ARHGEF10L: variants seen among roughly 807,000 people sequenced by gnomAD.
ARHGEF10L encodes rho guanine nucleotide exchange factor 10-like protein.
ARHGEF10L carries 69 observed loss-of-function variants against 141.2 expected under a neutral mutation model. That is an observed-to-expected ratio of 0.49 (90% CI 0.40 to 0.60). ARHGEF10L has a LOEUF of 0.60. Among genes scored for constraint, ARHGEF10L ranks in the 20% least tolerant of loss-of-function variants. ARHGEF10L has a pLI of 0.00. For missense variants in ARHGEF10L, 1,482 were observed against 1,734.3 expected, an observed-to-expected ratio of 0.85 and a Z score of 2.58; for synonymous variants, 711 against 718.5, an observed-to-expected ratio of 0.99 and a Z score of 0.17.
At chr1:17,678,426 T>C (rs1222236639) in intron 26 of ARHGEF10L, among the ~76,000 whole-genome samples, 1 of 151,794 alleles carries the variant, frequency 6.6e-6, no homozygotes, top group Non-Finnish European at 1.5e-5. Flanking sequence ...GGTTTTTTTT[T>C]TTTTTTTTTT....
intron 4 of ARHGEF10L, among the ~76,000 whole-genome samples, chr1:17,598,935 C>T (rs2080369802): frequency 6.6e-6 from 1 of 152,080 alleles, no homozygotes. Flanking sequence ...AGTGTAAGAT[C>T]CCAGCTCCCA....
intron 26 of ARHGEF10L, among the ~76,000 whole-genome samples, chr1:17,667,961 G>A (rs914278802): frequency 1.7e-4 from 26 of 152,194 alleles, no homozygotes; most frequent in African/African-American, 6.0e-4. Flanking sequence ...TGCTTCAGAC[G>A]GGACCGTAGC....
intron 26 of ARHGEF10L, among the ~76,000 whole-genome samples, chr1:17,666,989 A>G (rs1292885576): frequency 6.7e-6 from 1 of 148,674 alleles, no homozygotes; most frequent in Non-Finnish European, 1.5e-5. Flanking sequence ...GTCTCAAGCC[A>G]GGAAGGACAT....
At chr1:17,514,783 C>T in the ARHGEF10L span, among the ~76,000 whole-genome samples, 1 of 152,210 alleles carries the variant, frequency 6.6e-6, no homozygotes, top group African/African-American at 2.4e-5. Flanking sequence ...AAAAGTCATC[C>T]TGGGCCTTGG....
chr1:17,613,896 G>A (rs1217492978), intron 8 of ARHGEF10L, among the ~76,000 whole-genome samples: 1 of 152,198 alleles, frequency 6.6e-6, no homozygotes, highest in Non-Finnish European at 1.5e-5. Flanking sequence ...TGAAATGGGG[G>A]CATTCACAGT....
intron 26 of ARHGEF10L, among the ~76,000 whole-genome samples, chr1:17,682,295 C>T (rs1000430250): frequency 2.0e-5 from 3 of 152,108 alleles, no homozygotes; most frequent in African/African-American, 4.8e-5. Flanking sequence ...AGTCTACCCT[C>T]GTCTCTCCCA....
At chr1:17,564,921 C>T (rs1039685629) in intron 1 of ARHGEF10L, among the ~76,000 whole-genome samples, 2 of 152,198 alleles carry the variant, frequency 1.3e-5, no homozygotes, top group African/African-American at 4.8e-5. Flanking sequence ...TAATGCTTGT[C>T]ATGAATGGGC....
chr1:17,687,767 G>C lies in ARHGEF10L; in HGVS notation c.3184+20G>C, dbSNP rs201770526. On this transcript the variant is annotated intron_variant, in intron 27 of 28. Transcript: ENST00000361221. ...TGCCAGGTGAGGCTGCCTCGGGCAC[G>C]GGGGAGCGGACAGTCACAGAGCACC... 1 of 1,557,174 alleles carries C rather than the reference G, an allele frequency of 6.4e-7. No individual in the cohort carries two copies. Among genetic ancestry groups the C allele is most frequent in the Non-Finnish European group, 8.7e-7 (1 of 1,150,022 alleles).
Position 17,634,782 on chromosome 1 carries a change from T to A in ARHGEF10L, c.1746-53T>A, listed in dbSNP as rs1243253684. ...GAGGAGCAATGCCCTGGGCCAGCCC[T>A]GGGGCAGGGTGGCTGCAGCCTCTCC... On this transcript the variant is annotated intron_variant, in intron 17 of 28. Coordinates refer to ENST00000361221, the MANE Select transcript of ARHGEF10L (RefSeq NM_018125.4). 16 of 1,543,250 alleles carry A rather than the reference T, an allele frequency of 1.0e-5. No homozygotes were observed. The Admixed American group carries it at 3.2e-4, about 30-fold the overall frequency.
chr1:17,613,131 G>A lies in ARHGEF10L; in HGVS notation c.683G>A (p.Gly228Glu), dbSNP rs144936441. The change falls in exon 8 of 29, where the codon GGG becomes GAG. Residue 228 changes from glycine to glutamate, a missense_variant. Around this residue, in one of 3 missense-constraint regions of ARHGEF10L, gnomAD observed 392 missense variants for 542.1 expected, o/e 0.72. Coordinates refer to ENST00000361221, the MANE Select transcript of ARHGEF10L (RefSeq NM_018125.4). Reference protein sequence around the residue: ...TKRDILALRVGGRDMQELKHK... With the variant: ...TKRDILALRVEGRDMQELKHK... ...AGAGACATCTTGGCTTTGAGAGTTG[G>A]GGGGAGAGACATGCAGGAGCTGAAG... The A allele has an allele frequency of 1.2e-5, 20 of 1,613,834 alleles. 1 individual carries two copies. The highest frequency in any genetic ancestry group is 1.6e-4 in the Middle Eastern group (1 of 6,084).
chr1:17,567,147 T>G (rs182222533), intron 1 of ARHGEF10L, among the ~76,000 whole-genome samples: 3 of 152,322 alleles, frequency 2.0e-5, no homozygotes, highest in Admixed American at 2.0e-4. Flanking sequence ...GCAGGCAGTG[T>G]CCAGGTGGCC....
At chr1:17,672,488 G>T (rs2063387641) in intron 26 of ARHGEF10L, among the ~76,000 whole-genome samples, 1 of 152,164 alleles carries the variant, frequency 6.6e-6, no homozygotes, top group African/African-American at 2.4e-5. Flanking sequence ...GGAGCGCCTG[G>T]TGTCTGGGCC....
At chr1:17,568,295 T>C (rs1045292757) in intron 1 of ARHGEF10L, among the ~76,000 whole-genome samples, 6 of 152,212 alleles carry the variant, frequency 3.9e-5, no homozygotes, top group African/African-American at 1.4e-4. Context: ...AGAATTATTA[T>C]CTCATTTAAT....
At chr1:17,662,706 A>AGG (rs1413003757) in intron 25 of ARHGEF10L, among the ~76,000 whole-genome samples, 1 of 123,874 alleles carries the variant, frequency 8.1e-6, no homozygotes, top group Non-Finnish European at 1.7e-5. Context: ...AAGGATGGGG[A>AGG]GGGGGTGGGA....
At position 17,547,351 on chromosome 1, in the gene ARHGEF10L, C is replaced by T. The variant is rs543241014; in HGVS notation, c.-44+7401C>T. ...GCCAGCCCATGTTGGCATGTTGGGC[C>T]CAAGATGAGGTGGCATTTCTGAGTT... On this transcript the variant is annotated intron_variant, in intron 1 of 28. Coordinates refer to ENST00000361221, the MANE Select transcript of ARHGEF10L (RefSeq NM_018125.4). 2.6e-5 allele frequency among the ~76,000 whole-genome samples: 4 copies of T among 152,290 alleles called. No homozygotes were observed. In the East Asian group the frequency reaches 7.7e-4, roughly 29 times the overall value.
intron 15 of ARHGEF10L, among the ~76,000 whole-genome samples, chr1:17,628,490 G>A (rs759892318): frequency 2.0e-5 from 3 of 152,112 alleles, no homozygotes; most frequent in Admixed American, 1.3e-4. Context: ...TCTGTGCTGG[G>A]GTCTCTGGGA....
Position 17,607,860 on chromosome 1 carries a change from G to A in ARHGEF10L, c.492G>A (p.Ala164=), listed in dbSNP as rs754842481. Residue 164 remains alanine (A), a synonymous_variant, in exon 7 of 29, where the codon GCG becomes GCA. Coordinates refer to ENST00000361221, the MANE Select transcript of ARHGEF10L (RefSeq NM_018125.4). This position sits in a 1 kb window ranked among gnomAD's most constrained non-coding sequence, Gnocchi z 4.5. ...DAHRAGAPRQ[A]EDLGWSSSEF... ...ACCGGGCTGGGGCCCCTCGGCAGGC[G>A]GAGGACCTAGGCTGGAGCTCCAGTG... 6.9e-6 allele frequency: 11 copies of A among 1,588,234 alleles called. No individual in the cohort carries two copies. The highest frequency in any genetic ancestry group is 4.8e-5 in the East Asian group (2 of 42,060).
At chr1:17,602,808 T>C (rs2080817098) in intron 5 of ARHGEF10L, among the ~76,000 whole-genome samples, 1 of 152,106 alleles carries the variant, frequency 6.6e-6, no homozygotes, top group Non-Finnish European at 1.5e-5. Context: ...GTGATGTGGC[T>C]GCCTTTGCCT....
chr1:17,528,629 C>T, the ARHGEF10L span, among the ~76,000 whole-genome samples: 11 of 152,130 alleles, frequency 7.2e-5, no homozygotes, highest in Non-Finnish European at 1.6e-4. Context: ...TCCATCCATC[C>T]TCCATCCATT....
Sources: allele counts gnomAD v4.1 joint callset (sites outside exome capture counted in the v4.1 genomes callset), GRCh38; gene constraint gnomAD v4.1.1; regional missense constraint gnomAD v4.1.1; non-coding constraint Gnocchi (gnomAD v3.1); transcripts MANE v1.5; gene names NCBI Gene and HGNC (gene_info 2026-07-23, HGNC 2026-07-21).